ARHGAP20: variants seen among roughly 807,000 people sequenced by gnomAD.
ARHGAP20 encodes rho GTPase-activating protein 20.
ARHGAP20 carries 34 observed loss-of-function variants against 73.7 expected under a neutral mutation model. The observed-to-expected ratio is 0.46, with a 90% CI of 0.35 to 0.61. ARHGAP20 has a LOEUF of 0.61. ARHGAP20 is among the 20% of genes least tolerant of loss of function. The pLI is 0.00. For missense variants in ARHGAP20, 1,314 were observed against 1,420.9 expected, an observed-to-expected ratio of 0.92 and a Z score of 1.21; for synonymous variants, 523 against 518.2, an observed-to-expected ratio of 1.01 and a Z score of -0.13.
intron 2 of ARHGAP20, among the ~76,000 whole-genome samples, chr11:110,641,614 C>T (rs1428272543): frequency 6.6e-6 from 1 of 151,808 alleles, no homozygotes; most frequent in African/African-American, 2.4e-5. Flanking sequence ...TTGTTTTCTT[C>T]CCCCCCAACC....
intron 2 of ARHGAP20, among the ~76,000 whole-genome samples, chr11:110,648,539 C>G (rs1403417857): frequency 2.0e-5 from 3 of 147,854 alleles, no homozygotes; most frequent in Admixed American, 1.4e-4. Flanking sequence ...GGCTGAAGTG[C>G]AGTGGCTCAA....
In ARHGAP20 at chr11:110,656,019, C is replaced by T. The variant is rs1368805222; in HGVS notation, c.189-25227G>A. Among the ~76,000 whole-genome samples the T allele has an allele frequency of 4.6e-5, 7 of 152,250 alleles. No individual in the cohort carries two copies. The East Asian group carries it at 1.4e-3, about 29-fold the overall frequency. ...ATTTGTTTGTGTGTTTTGCTATCCA[C>T]GTCCCTCCACTAGAACGTAAATTCT... is the stretch of plus-strand genomic sequence containing the variant. On this transcript the variant is annotated intron_variant, in intron 2 of 14. Coordinates refer to ENST00000683387, the MANE Select transcript of ARHGAP20 (RefSeq NM_001384657.1).
rs556268868 is a variant in ARHGAP20, at chr11:110,674,511, AC to A, written c.188+16035del. 5.1e-3 allele frequency among the ~76,000 whole-genome samples: 784 copies of A among 152,294 alleles called. 9 individuals are homozygous for A. Among genetic ancestry groups the A allele is most frequent in the Middle Eastern group, 0.01 (3 of 294 alleles). ...AAGTCACAGCCAAAATGCAGTCAAA[AC>A]TTTTCTTTATGTGCAAAATTATTTA... On this transcript the variant is annotated intron_variant, in intron 2 of 14. Transcript: ENST00000683387.
chr11:110,622,529 C>T (rs936939390), intron 4 of ARHGAP20, among the ~76,000 whole-genome samples: 1 of 152,184 alleles, frequency 6.6e-6, no homozygotes, highest in Non-Finnish European at 1.5e-5. Flanking sequence ...TGACTTATTT[C>T]AGATTTCACC....
At chr11:110,642,014 A>C (rs1327776031) in intron 2 of ARHGAP20, among the ~76,000 whole-genome samples, 1 of 152,084 alleles carries the variant, frequency 6.6e-6, no homozygotes, top group African/African-American at 2.4e-5. Flanking sequence ...TGGGAACTCC[A>C]ACAGTTTGAG....
chr11:110,692,975 CAAGTT>C (rs1440632027), intron 1 of ARHGAP20, among the ~76,000 whole-genome samples: 6 of 151,776 alleles, frequency 4.0e-5, no homozygotes, highest in Admixed American at 3.9e-4. Flanking sequence ...TTATGAACCG[CAAGTT>C]AAGAAACTTT....
chr11:110,588,660 A>G lies in ARHGAP20; in HGVS notation c.1305+1988T>C, dbSNP rs1010749202. ...GTTATTTTTGGACAAATATTTCTGC[A>G]ATTTGAAACATAATTTAACTCTTCT... On this transcript the variant is annotated intron_variant, in intron 11 of 14. Transcript: ENST00000683387. Among the ~76,000 whole-genome samples, 3 of 152,202 alleles carry G rather than the reference A, an allele frequency of 2.0e-5. No individual in the cohort carries two copies. The East Asian group carries it at 5.8e-4, about 29-fold the overall frequency.
At chr11:110,688,328 G>A (rs377429360) in intron 2 of ARHGAP20, among the ~76,000 whole-genome samples, 1 of 150,178 alleles carries the variant, frequency 6.7e-6, no homozygotes, top group East Asian at 2.0e-4. Context: ...TTCAGTACCT[G>A]CATGTATACT....
chr11:110,672,846 C>T (rs916495683), intron 2 of ARHGAP20, among the ~76,000 whole-genome samples: 1 of 152,154 alleles, frequency 6.6e-6, no homozygotes, highest in African/African-American at 2.4e-5. Context: ...GTTAAACAAA[C>T]ATTACATGAC....
rs761384767 is a variant in ARHGAP20, at chr11:110,579,820, C to G, written c.3126G>C (p.Val1042=). Residue 1042 remains valine, a synonymous_variant, in exon 15 of 15, where the codon GTG becomes GTC. Coordinates refer to ENST00000683387, the MANE Select transcript of ARHGAP20 (RefSeq NM_001384657.1). ...TGAGGGACCAGTTTTTCAAACTGGC[C>G]ACACCATTTCTCAACCATGTGCTGG... ...LHPSTWLRNG[V]ASLKNWSLKK... 1 of 1,614,122 alleles carries G rather than the reference C, an allele frequency of 6.2e-7. No homozygotes were observed. The highest frequency in any genetic ancestry group is 8.5e-7 in the Non-Finnish European group (1 of 1,180,034).
chr11:110,592,245 T>C (rs1197690302), intron 9 of ARHGAP20, 90 bp from the exon 10 acceptor site: 1 of 1,253,632 alleles, frequency 8.0e-7, no homozygotes, highest in Non-Finnish European at 1.1e-6. Flanking sequence ...TTTGTTGCTA[T>C]GGCTCAAAGA....
intron 2 of ARHGAP20, among the ~76,000 whole-genome samples, chr11:110,649,442 T>C (rs1427649673): frequency 6.6e-6 from 1 of 152,000 alleles, no homozygotes; most frequent in Non-Finnish European, 1.5e-5. Context: ...TCAATATGTA[T>C]TGAAAACAAA....
intron 2 of ARHGAP20, among the ~76,000 whole-genome samples, chr11:110,690,322 AG>A (rs1176383345): frequency 6.6e-6 from 1 of 152,192 alleles, no homozygotes; most frequent in East Asian, 1.9e-4. Context: ...TATACTTTTG[AG>A]GGTGAAATTC....
At chr11:110,617,012 A>C (rs1044756910) in intron 4 of ARHGAP20, among the ~76,000 whole-genome samples, 1 of 152,128 alleles carries the variant, frequency 6.6e-6, no homozygotes, top group South Asian at 2.1e-4. Flanking sequence ...CAGTCACATA[A>C]ACCAGCACCC....
intron 12 of ARHGAP20, among the ~76,000 whole-genome samples, chr11:110,584,839 T>TGATTCATATATATATATGTGAA (rs1288639566): frequency 1.3e-4 from 19 of 146,700 alleles, no homozygotes; most frequent in Non-Finnish European, 2.7e-4. Context: ...TTAGCATTTC[T>TGATTCATATATATATATGTGAA]GATTCATATA....
intron 2 of ARHGAP20, among the ~76,000 whole-genome samples, chr11:110,639,126 A>G: frequency 6.6e-6 from 1 of 152,064 alleles, no homozygotes; most frequent in East Asian, 1.9e-4. Context: ...ATATTAACAT[A>G]TGGAGTAAAT....
chr11:110,594,281 A>G (rs1947899110), intron 9 of ARHGAP20, among the ~76,000 whole-genome samples: 1 of 152,228 alleles, frequency 6.6e-6, no homozygotes, highest in South Asian at 2.1e-4. Flanking sequence ...CTTTGGCTCT[A>G]GAGTCAGGAG....
chr11:110,619,331 G>A (rs326945), intron 4 of ARHGAP20, among the ~76,000 whole-genome samples: 145,906 of 147,328 alleles, frequency 0.99, 72,259 homozygotes, highest in East Asian at 1. Flanking sequence ...GCAGTGATAG[G>A]GTATATGCAG....
intron 2 of ARHGAP20, among the ~76,000 whole-genome samples, chr11:110,665,970 TAC>T (rs144629539): frequency 0.29 from 43,200 of 151,424 alleles, 6,519 homozygotes; most frequent in African/African-American, 0.4. Context: ...GGATACAAGA[TAC>T]ATATACACAC....
Sources: allele counts gnomAD v4.1 joint callset (sites outside exome capture counted in the v4.1 genomes callset), GRCh38; gene constraint gnomAD v4.1.1; transcripts MANE v1.5; gene names NCBI Gene and HGNC (gene_info 2026-07-23, HGNC 2026-07-21).